The following EVI5 variants were observed in gnomAD, a reference collection of about 807,000 sequenced individuals.
EVI5 encodes the protein ecotropic viral integration site 5.
Under a neutral mutation model 112.0 loss-of-function variants are expected in EVI5, and 73 were observed. The observed-to-expected ratio is 0.65, with a 90% CI of 0.54 to 0.79. The LOEUF (loss-of-function observed/expected upper bound fraction) is 0.79, where lower values mean the gene tolerates loss of function less well. Among genes scored for constraint, EVI5 ranks in the 30% least tolerant of loss-of-function variants. EVI5 has a pLI of 0.00. For synonymous variants in EVI5, 305 were observed against 319.9 expected, an observed-to-expected ratio of 0.95 and a Z score of 0.50; for missense variants, 900 against 968.8, an observed-to-expected ratio of 0.93 and a Z score of 0.94.
intron 13 of EVI5, among the ~76,000 whole-genome samples, chr1:92,650,362 C>T (rs939240764): frequency 1.3e-5 from 2 of 151,906 alleles, no homozygotes; most frequent in Admixed American, 1.3e-4. Context: ...AATGAGTAAA[C>T]ATCCTTTTTT....
At chr1:92,617,565 A>T (rs1305036802) in intron 16 of EVI5, among the ~76,000 whole-genome samples, 2 of 152,260 alleles carry the variant, frequency 1.3e-5, no homozygotes, top group Non-Finnish European at 1.5e-5. Flanking sequence ...CCCATGAACA[A>T]AGTGGCCATG....
At position 92,735,649 on chromosome 1, in the gene EVI5, T is replaced by TC. The variant is rs529319677; in HGVS notation, c.149+748_149+749insG. On this transcript the variant is annotated intron_variant, in intron 2 of 19. Transcript: ENST00000684568. ...ATATATGATATATGTCATATATATA[T>TC]ATAATTATATAATTCAACAAAATAT... is the stretch of plus-strand genomic sequence containing the variant. 0.037 allele frequency among the ~76,000 whole-genome samples: 88 copies of TC among 2,356 alleles called. 1 individual carries two copies. The South Asian group carries it at 0.43, about 11-fold the overall frequency. The allele number at this position is 2,356 out of a possible 152,430, so 1.5% of individuals were successfully genotyped here.
chr1:92,591,744 C>G (rs1673948846), intron 18 of EVI5, among the ~76,000 whole-genome samples: 1 of 152,190 alleles, frequency 6.6e-6, no homozygotes, highest in South Asian at 2.1e-4. Flanking sequence ...GAACTCAGCT[C>G]TGCACCAAGT....
intron 9 of EVI5, 71 bp downstream of exon 9, chr1:92,693,731 G>C: frequency 1.3e-6 from 1 of 796,574 alleles, no homozygotes. Flanking sequence ...TATAACCTAA[G>C]GAGGAAAACT....
intron 2 of EVI5, among the ~76,000 whole-genome samples, chr1:92,709,245 T>C (rs1294032961): frequency 6.6e-6 from 1 of 152,220 alleles, no homozygotes; most frequent in Non-Finnish European, 1.5e-5. Flanking sequence ...AGAAACTTTC[T>C]AAGTCTTAAT....
intron 1 of EVI5, among the ~76,000 whole-genome samples, chr1:92,775,591 T>C (rs1684007630): frequency 6.6e-6 from 1 of 152,188 alleles, no homozygotes; most frequent in Non-Finnish European, 1.5e-5. Context: ...GGCTATACCA[T>C]ATAGCCTAGG....
intron 19 of EVI5, among the ~76,000 whole-genome samples, chr1:92,545,037 G>A (rs1351994142): frequency 6.6e-6 from 1 of 152,078 alleles, no homozygotes; most frequent in African/African-American, 2.4e-5. Flanking sequence ...TGTAAGATAT[G>A]GTTCATAAGA....
intron 2 of EVI5, among the ~76,000 whole-genome samples, chr1:92,716,763 A>G (rs538489239): frequency 7.3e-4 from 111 of 152,094 alleles, no homozygotes; most frequent in African/African-American, 2.5e-3. Flanking sequence ...TAAACAGTGT[A>G]GAGAAGACCT....
At chr1:92,782,270 AC>A (rs1684963172) in intron 1 of EVI5, among the ~76,000 whole-genome samples, 2 of 151,950 alleles carry the variant, frequency 1.3e-5, no homozygotes, top group African/African-American at 2.4e-5. Flanking sequence ...AAACAAACAA[AC>A]AAAAAACACA....
rs559484801 is a variant in EVI5 at position 92,695,758 on chromosome 1, T to C, written c.766-305A>G. Among the ~76,000 whole-genome samples the C allele has an allele frequency of 2.6e-5, 4 of 152,274 alleles. No homozygotes were observed. In the East Asian group the frequency reaches 5.8e-4, roughly 22 times the overall value. The stretch of plus-strand genomic sequence containing the variant: ...CAAGAGTGACTGACATTTTCTATAC[T>C]CTTCTATCAACTATAATATTTTAAA... On this transcript the variant is annotated intron_variant, in intron 6 of 19. Transcript: ENST00000684568.
intron 18 of EVI5, among the ~76,000 whole-genome samples, chr1:92,584,656 T>A (rs1672496137): frequency 6.6e-6 from 1 of 152,232 alleles, no homozygotes; most frequent in African/African-American, 2.4e-5. Context: ...TAAAAACAAA[T>A]CATACTCATA....
chr1:92,751,329 T>C (rs1192753153), intron 1 of EVI5, among the ~76,000 whole-genome samples: 1 of 152,198 alleles, frequency 6.6e-6, no homozygotes, highest in African/African-American at 2.4e-5. Context: ...TTGTTTAGCT[T>C]TATTTGTACT....
intron 1 of EVI5, chr1:92,756,978 C>G: frequency 4.2e-6 from 1 of 238,390 alleles, no homozygotes; most frequent in Non-Finnish European, 8.6e-6. Flanking sequence ...AGGGTAATAA[C>G]TGACCCAGAC....
At chr1:92,622,132 T>A (rs199897461) in intron 16 of EVI5, among the ~76,000 whole-genome samples, 3 of 148,408 alleles carry the variant, frequency 2.0e-5, no homozygotes, top group African/African-American at 4.9e-5. Flanking sequence ...AAATAAAAAT[T>A]AAAAAAAAAA....
At chr1:92,786,313 C>T (rs184824982), upstream of EVI5, among the ~76,000 whole-genome samples, 3 of 151,464 alleles carry the variant, frequency 2.0e-5, no homozygotes, top group South Asian at 4.2e-4. Flanking sequence ...AAAGCCATGC[C>T]CTCCACCCAG....
At chr1:92,743,790 CT>C (rs149334343) in intron 1 of EVI5, among the ~76,000 whole-genome samples, 4,446 of 152,140 alleles carry the variant, frequency 0.029, 116 homozygotes, top group Non-Finnish European at 0.039. Context: ...CTTTCAATGC[CT>C]TTTAAAAGAA....
At chr1:92,619,915 A>C (rs905542599) in intron 16 of EVI5, among the ~76,000 whole-genome samples, 1 of 152,192 alleles carries the variant, frequency 6.6e-6, no homozygotes, top group Non-Finnish European at 1.5e-5. Context: ...AGTCAATGGA[A>C]ACTGAAAACA....
intron 2 of EVI5, chr1:92,733,306 T>G (rs1183107055): frequency 6.2e-6 from 1 of 160,154 alleles, no homozygotes; most frequent in East Asian, 1.8e-4. Context: ...AAATTCTACA[T>G]ACATGGTTAA....
At chr1:92,742,645 C>T (rs1459268648) in intron 1 of EVI5, among the ~76,000 whole-genome samples, 1 of 151,478 alleles carries the variant, frequency 6.6e-6, no homozygotes, top group Non-Finnish European at 1.5e-5. Flanking sequence ...TGCACTCCAG[C>T]CTGGGCGACA....
Sources: allele counts gnomAD v4.1 joint callset (sites outside exome capture counted in the v4.1 genomes callset), GRCh38; gene constraint gnomAD v4.1.1; transcripts MANE v1.5; gene names NCBI Gene and HGNC (gene_info 2026-07-23, HGNC 2026-07-21).